MARCHF1: variants seen among roughly 807,000 people sequenced by gnomAD.
The protein encoded by MARCHF1 is membrane associated ring-CH-type finger 1.
MARCHF1 carries 40 observed loss-of-function variants against 54.2 expected under a neutral mutation model. The ratio of observed to expected loss-of-function variants is 0.74; its 90% CI spans 0.57 to 0.96. The LOEUF is 0.96. Ranked by LOEUF, MARCHF1 falls within the 40% of genes least tolerant of loss-of-function variation. The pLI is 0.00. For synonymous variants in MARCHF1, 236 were observed against 236.3 expected (o/e 1.00, Z 0.01); for missense variants, 586 against 656.5 (o/e 0.89, Z 1.17).
chr4:163,822,703 C>T (rs972720987), intron 4 of MARCHF1, among the ~76,000 whole-genome samples: 3 of 151,766 alleles, frequency 2.0e-5, no homozygotes, highest in Non-Finnish European at 2.9e-5. Context: ...ATATCCACCA[C>T]CTTATTTATC....
chr4:163,800,178 A>C (rs1748038497), intron 4 of MARCHF1, among the ~76,000 whole-genome samples: 1 of 152,038 alleles, frequency 6.6e-6, no homozygotes, highest in Non-Finnish European at 1.5e-5. Flanking sequence ...GGGTACTATG[A>C]TTATACCTGG....
At chr4:164,254,713 T>A (rs988394844) in intron 1 of MARCHF1, among the ~76,000 whole-genome samples, 14 of 151,970 alleles carry the variant, frequency 9.2e-5, no homozygotes, top group Admixed American at 7.2e-4. Flanking sequence ...GCAGGAAGCA[T>A]CCAGCATGGC....
chr4:163,836,653 T>C (rs1313712654), intron 4 of MARCHF1, among the ~76,000 whole-genome samples: 2 of 75,432 alleles, frequency 2.7e-5, no homozygotes, highest in Non-Finnish European at 6.1e-5. Flanking sequence ...TAGAATAAAG[T>C]AGACAAAATA....
chr4:163,572,594 A>G (rs1205378802), intron 8 of MARCHF1, among the ~76,000 whole-genome samples: 3 of 152,150 alleles, frequency 2.0e-5, no homozygotes, highest in Non-Finnish European at 4.4e-5. Context: ...TGATTTTAAA[A>G]TACTTATCAT....
At chr4:163,693,723 G>A (rs906251000) in intron 5 of MARCHF1, among the ~76,000 whole-genome samples, 1 of 143,152 alleles carries the variant, frequency 7.0e-6, no homozygotes, top group Non-Finnish European at 1.5e-5. Flanking sequence ...TTGACCATAT[G>A]ACTGGAACTA....
At chr4:164,164,724 T>C (rs745986041) in intron 1 of MARCHF1, among the ~76,000 whole-genome samples, 66 of 152,010 alleles carry the variant, frequency 4.3e-4, no homozygotes, top group Non-Finnish European at 8.2e-4. Context: ...CCTTCATGGA[T>C]TGTGACAACA....
intron 1 of MARCHF1, among the ~76,000 whole-genome samples, chr4:164,224,546 C>T (rs1011706389): frequency 1.3e-5 from 2 of 151,880 alleles, no homozygotes; most frequent in African/African-American, 2.4e-5. Context: ...ATCTAGTAGT[C>T]TATGTCCTAA....
intron 4 of MARCHF1, among the ~76,000 whole-genome samples, chr4:163,843,192 G>T (rs1214870474): frequency 6.6e-6 from 1 of 152,086 alleles, no homozygotes; most frequent in East Asian, 1.9e-4. Flanking sequence ...CAAAGGACAT[G>T]ATTTTATTCT....
At chr4:163,717,386 C>A (rs958100539) in intron 4 of MARCHF1, among the ~76,000 whole-genome samples, 2 of 151,762 alleles carry the variant, frequency 1.3e-5, no homozygotes, top group East Asian at 1.9e-4. Flanking sequence ...TTTCTTAATC[C>A]AGTCTATCAT....
At chr4:164,048,609 A>G (rs1754290277) in intron 2 of MARCHF1, among the ~76,000 whole-genome samples, 2 of 152,188 alleles carry the variant, frequency 1.3e-5, no homozygotes, top group Admixed American at 1.3e-4. Context: ...CTGTAAAAAG[A>G]ATGATGTCTT....
chr4:164,144,269 G>C (rs1258638907), intron 1 of MARCHF1, among the ~76,000 whole-genome samples: 2 of 151,740 alleles, frequency 1.3e-5, no homozygotes, highest in African/African-American at 2.4e-5. Context: ...CAATGAGACA[G>C]AAAGTCAACA....
chr4:164,157,169 C>T (rs1313402678), intron 1 of MARCHF1, among the ~76,000 whole-genome samples: 1 of 151,398 alleles, frequency 6.6e-6, no homozygotes, highest in Admixed American at 6.6e-5. Flanking sequence ...TAAATATTTA[C>T]AATATTAAAA....
chr4:163,720,806 C>T (rs922349145), intron 4 of MARCHF1, among the ~76,000 whole-genome samples: 3 of 152,104 alleles, frequency 2.0e-5, no homozygotes, highest in Non-Finnish European at 2.9e-5. Flanking sequence ...AATGGGAGTT[C>T]ACTCATGATT....
intron 1 of MARCHF1, among the ~76,000 whole-genome samples, chr4:164,112,228 A>G (rs1412547149): frequency 2.0e-5 from 3 of 151,912 alleles, no homozygotes; most frequent in African/African-American, 7.2e-5. Context: ...AATATCCACA[A>G]GCCATGTACT....
chr4:164,308,811 G>C (rs1021214110), intron 1 of MARCHF1, among the ~76,000 whole-genome samples: 4 of 152,030 alleles, frequency 2.6e-5, no homozygotes, highest in African/African-American at 9.7e-5. Flanking sequence ...TGAGGGTGGA[G>C]GGTGGGAGGA....
chr4:163,886,705 T>C (rs916496910), intron 3 of MARCHF1, among the ~76,000 whole-genome samples: 1 of 152,092 alleles, frequency 6.6e-6, no homozygotes, highest in Non-Finnish European at 1.5e-5. Flanking sequence ...AAAAGGCATA[T>C]AGCATTTTTC....
At chr4:164,081,854 G>A (rs891166594) in intron 2 of MARCHF1, among the ~76,000 whole-genome samples, 3 of 152,078 alleles carry the variant, frequency 2.0e-5, no homozygotes, top group Admixed American at 6.5e-5. Context: ...CTATATGGGC[G>A]CACTTTATCC....
At chr4:164,146,836 A>T (rs1353433066) in intron 1 of MARCHF1, among the ~76,000 whole-genome samples, 1 of 151,832 alleles carries the variant, frequency 6.6e-6, no homozygotes, top group African/African-American at 2.4e-5. Context: ...ATCTAATTAA[A>T]CTAAAGAGCT....
At chr4:163,538,406 A>G (rs909718774) in intron 9 of MARCHF1, among the ~76,000 whole-genome samples, 1 of 152,040 alleles carries the variant, frequency 6.6e-6, no homozygotes, top group African/African-American at 2.4e-5. Context: ...GTCAGGAGAC[A>G]TGGACCCAAC....
Sources: gnomAD v4.1 joint callset for allele counts (sites outside exome capture counted in the v4.1 genomes callset) on GRCh38, gnomAD v4.1.1 for gene constraint, MANE v1.5 for transcripts, NCBI Gene and HGNC (gene_info 2026-07-23, HGNC 2026-07-21) for gene names.